Variants in PCSK5 observed in about 807,000 individuals in gnomAD.
PCSK5 encodes proprotein convertase subtilisin/kexin type 5.
A neutral mutation model predicts 233.2 loss-of-function variants in PCSK5; 129 were observed. That is an observed-to-expected ratio of 0.55 (90% CI 0.48 to 0.64). PCSK5 has a LOEUF of 0.64. Ranked by LOEUF, PCSK5 falls within the 30% of genes least tolerant of loss-of-function variation. The probability of loss-of-function intolerance (pLI) is 0.00; values close to 1 mark genes in which losing one functional copy is unlikely to be tolerated. For synonymous variants in PCSK5, 825 were observed against 879.2 expected (o/e 0.94, Z 1.09); for missense variants, 2,076 against 2,430.1 (o/e 0.85, Z 3.06).
At chr9:75,890,171 T>C (rs1825509408), upstream of PCSK5, among the ~76,000 whole-genome samples, 2 of 152,240 alleles carry the variant, frequency 1.3e-5, no homozygotes, top group South Asian at 2.1e-4. Flanking sequence ...CTTACTGTCC[T>C]GTGTGGTAGC....
rs532765582 is a variant in PCSK5 at position 75,922,636 on chromosome 9, GC to G, written c.193-9740del. ...GGAAGAACTTTTTAACAAATGGGCT[GC>G]CCAGAAAATGCAGCACCCTAGCCAA... On this transcript the variant is annotated intron_variant, in intron 1 of 37. Transcript: ENST00000674117. Among the ~76,000 whole-genome samples the G allele has an allele frequency of 2.9e-3, 441 of 152,252 alleles. 2 individuals carry two copies. Among genetic ancestry groups the G allele is most frequent in the Non-Finnish European group, 5.1e-3 (348 of 68,006 alleles).
chr9:76,205,091 A>T (rs930047787), intron 20 of PCSK5: 10 of 518,638 alleles, frequency 1.9e-5, no homozygotes, highest in South Asian at 4.2e-5. Context: ...CTCTCACCAT[A>T]TCTGTCATTT....
Position 76,233,196 on chromosome 9 carries a change from C to A in PCSK5, c.2730-264C>A, listed in dbSNP as rs73460387. Among the ~76,000 whole-genome samples the A allele has an allele frequency of 7.9e-3, 1,204 of 152,286 alleles. 15 individuals are homozygous for A. The highest frequency in any genetic ancestry group is 0.028 in the African/African-American group (1,171 of 41,572). On this transcript the variant is annotated intron_variant, in intron 21 of 37. Coordinates refer to ENST00000674117, the MANE Select transcript of PCSK5 (RefSeq NM_001372043.1). ...ATCTGGATTTCGTCCCTGTAGGCAC[C>A]AGTTAGCTTGTTTGGAAGCAGATTC...
At chr9:75,974,031 CTG>C (rs1825912903) in intron 2 of PCSK5, among the ~76,000 whole-genome samples, 2 of 152,234 alleles carry the variant, frequency 1.3e-5, no homozygotes, top group South Asian at 4.1e-4. Context: ...GGTCTTCAGA[CTG>C]AGAAAGTGTC....
At chr9:76,178,701 A>G (rs1001974397) in intron 14 of PCSK5, among the ~76,000 whole-genome samples, 7 of 152,224 alleles carry the variant, frequency 4.6e-5, no homozygotes, top group African/African-American at 1.7e-4. Context: ...TTCATTCAAT[A>G]TATTTATTGC....
At chr9:76,202,923 A>T (rs1027898100) in intron 20 of PCSK5, among the ~76,000 whole-genome samples, 1 of 152,222 alleles carries the variant, frequency 6.6e-6, no homozygotes, top group Non-Finnish European at 1.5e-5. Context: ...TATCTTGTAG[A>T]GAAGGTGCTT....
intron 7 of PCSK5, 82 bp from the exon 8 acceptor site, chr9:76,095,808 A>G (rs1831485245): frequency 1.6e-6 from 2 of 1,215,984 alleles, no homozygotes; most frequent in East Asian, 4.7e-5. Context: ...ACCTGCACCT[A>G]CTCAGTTTGG....
intron 10 of PCSK5, among the ~76,000 whole-genome samples, chr9:76,142,515 CAAAGA>C (rs985371417): frequency 2.6e-5 from 4 of 151,860 alleles, no homozygotes; most frequent in African/African-American, 9.7e-5. Flanking sequence ...GTGGAGCGAG[CAAAGA>C]AAAGAATGAG....
rs533313404 is a variant in PCSK5 at position 76,295,965 on chromosome 9, T to G, written c.3322+554T>G. Among the ~76,000 whole-genome samples the G allele has an allele frequency of 3.3e-5, 5 of 152,316 alleles. No individual in the cohort carries two copies. The East Asian group carries it at 9.6e-4, about 29-fold the overall frequency. ...ACAGCCCACAATGATCTTCAGTGTTTCTCTACACAGAGATTTATTTTATTT... is the reference window on the plus strand; with the variant it reads ...ACAGCCCACAATGATCTTCAGTGTTGCTCTACACAGAGATTTATTTTATTT... On this transcript the variant is annotated intron_variant, in intron 26 of 37. Transcript: ENST00000674117.
At chr9:76,295,835 C>T (rs955639311) in intron 26 of PCSK5, among the ~76,000 whole-genome samples, 5 of 152,176 alleles carry the variant, frequency 3.3e-5, no homozygotes, top group African/African-American at 9.7e-5. Flanking sequence ...AACTCACTGA[C>T]TGATGGAAAT....
chr9:76,107,240 T>C lies in PCSK5; in HGVS notation c.1108-11T>C. The C allele has an allele frequency of 2.5e-6, 4 of 1,584,914 alleles. No individual in the cohort carries two copies. In the African/African-American group the frequency reaches 4.0e-5, roughly 16 times the overall value. ...GCCTCAGAAATCTAAACTTTTCACT[T>C]TGTTTTCCAGATCACTACAGATCTG... On this transcript the variant is annotated splice_polypyrimidine_tract_variant and intron_variant, in intron 8 of 37. Transcript: ENST00000674117.
At chr9:76,097,138 G>A (rs1831555064) in intron 8 of PCSK5, among the ~76,000 whole-genome samples, 1 of 149,984 alleles carries the variant, frequency 6.7e-6, no homozygotes, top group Non-Finnish European at 1.5e-5. Flanking sequence ...TCACAGTGTT[G>A]GCCAGGCTGG....
chr9:76,214,281 TC>T (rs1351072102), intron 20 of PCSK5, among the ~76,000 whole-genome samples: 3 of 145,226 alleles, frequency 2.1e-5, no homozygotes, highest in Non-Finnish European at 4.6e-5. Context: ...TTTGACTTTT[TC>T]CCCACATTCA....
intron 24 of PCSK5, among the ~76,000 whole-genome samples, chr9:76,246,694 G>A (rs1306946790): frequency 6.6e-6 from 1 of 152,206 alleles, no homozygotes; most frequent in Non-Finnish European, 1.5e-5. Flanking sequence ...GTCCATGGAA[G>A]ACTGGTTGAA....
chr9:76,094,167 A>G (rs914727692), intron 7 of PCSK5, among the ~76,000 whole-genome samples: 1 of 152,218 alleles, frequency 6.6e-6, no homozygotes, highest in Non-Finnish European at 1.5e-5. Context: ...CTATCAAATC[A>G]TGTCATAAAT....
intron 24 of PCSK5, among the ~76,000 whole-genome samples, chr9:76,276,946 G>A (rs1827709831): frequency 2.6e-5 from 4 of 151,988 alleles, no homozygotes. Flanking sequence ...TAATTATCTA[G>A]GCTGGGTGCA....
chr9:76,307,241 G>T (rs1273781659), intron 28 of PCSK5, among the ~76,000 whole-genome samples: 7 of 152,154 alleles, frequency 4.6e-5, no homozygotes, highest in Non-Finnish European at 1.0e-4. Context: ...GGTGTGACTA[G>T]AGCGCCATCT....
chr9:76,279,326 G>C (rs1827793185), intron 24 of PCSK5, among the ~76,000 whole-genome samples: 2 of 148,858 alleles, frequency 1.3e-5, no homozygotes, highest in Admixed American at 1.3e-4. Context: ...TGGGCATTTG[G>C]GTTGGTTCCA....
chr9:76,148,590 AC>A (rs1279125339), intron 10 of PCSK5, among the ~76,000 whole-genome samples: 3 of 152,144 alleles, frequency 2.0e-5, no homozygotes, highest in African/African-American at 7.2e-5. Context: ...GTCATCTTTC[AC>A]AAAACAACTT....
Sources: gnomAD v4.1 joint callset for allele counts (sites outside exome capture counted in the v4.1 genomes callset) on GRCh38, gnomAD v4.1.1 for gene constraint, MANE v1.5 for transcripts, NCBI Gene and HGNC (gene_info 2026-07-23, HGNC 2026-07-21) for gene names.